CDH18: variants seen among roughly 807,000 people sequenced by gnomAD.
CDH18 encodes the protein cadherin 18, also known as cadherin-18.
CDH18 carries 31 observed loss-of-function variants against 67.9 expected under a neutral mutation model. That is an observed-to-expected ratio of 0.46 (90% CI 0.34 to 0.62). CDH18 has a LOEUF of 0.62. CDH18 is among the 20% of genes least tolerant of loss of function. CDH18 has a pLI of 0.01. For synonymous variants in CDH18, 362 were observed against 347.2 expected (o/e 1.04, Z -0.48); for missense variants, 890 against 975.5 (o/e 0.91, Z 1.17).
intron 7 of CDH18, among the ~76,000 whole-genome samples, chr5:19,579,591 CTT>C (rs1742885759): frequency 1.3e-5 from 2 of 151,574 alleles, no homozygotes; most frequent in African/African-American, 4.8e-5. Flanking sequence ...ATATTTGTAA[CTT>C]TTAATTTTTG....
chr5:20,023,126 ATTATGATAG>A (rs1738571349), intron 2 of CDH18, among the ~76,000 whole-genome samples: 1 of 152,260 alleles, frequency 6.6e-6, no homozygotes, highest in Non-Finnish European at 1.5e-5. Context: ...ATTCCTTTCT[ATTATGATAG>A]CGCCATTCTG....
At chr5:20,390,617 C>A (rs1474971395) in intron 1 of CDH18, among the ~76,000 whole-genome samples, 2 of 152,122 alleles carry the variant, frequency 1.3e-5, no homozygotes, top group Non-Finnish European at 2.9e-5. Context: ...TACCATTTGA[C>A]CCAGCCATCC....
chr5:20,029,756 T>C (rs139072207), intron 2 of CDH18, among the ~76,000 whole-genome samples: 119 of 152,340 alleles, frequency 7.8e-4, no homozygotes, highest in South Asian at 2.7e-3. Context: ...TGTAACTGTA[T>C]TAGTTTCTTT....
intron 2 of CDH18, among the ~76,000 whole-genome samples, chr5:20,051,729 A>G (rs915871918): frequency 1.3e-5 from 2 of 152,050 alleles, no homozygotes; most frequent in Non-Finnish European, 2.9e-5. Context: ...ATATATTTAT[A>G]TGGTAACTGG....
At chr5:19,672,086 T>C (rs534525347) in intron 5 of CDH18, among the ~76,000 whole-genome samples, 1 of 152,132 alleles carries the variant, frequency 6.6e-6, no homozygotes, top group Non-Finnish European at 1.5e-5. Flanking sequence ...TAAATACTGG[T>C]AAAATCTCAG....
At position 20,024,622 on chromosome 5, in the gene CDH18, G is replaced by A. The variant is rs180822841; in HGVS notation, c.-517-32608C>T. 5.9e-5 allele frequency among the ~76,000 whole-genome samples: 9 copies of A among 152,258 alleles called. No individual in the cohort carries two copies. In the South Asian group the frequency reaches 1.5e-3, roughly 25 times the overall value. On this transcript the variant is annotated intron_variant, in intron 2 of 14. Transcript: ENST00000507958. Reference sequence around the variant, plus strand: ...AGAATAAAAAAGAGAATGATAAGTCGTTTGGAATGACATGCACTACTCCAT... The same window carrying A: ...AGAATAAAAAAGAGAATGATAAGTCATTTGGAATGACATGCACTACTCCAT...
chr5:19,986,859 T>TA (rs1799612914), intron 1 of CDH18, among the ~76,000 whole-genome samples: 1 of 152,054 alleles, frequency 6.6e-6, no homozygotes, highest in South Asian at 2.1e-4. Context: ...TACACTAAAA[T>TA]AAAAAAGAAC....
intron 2 of CDH18, among the ~76,000 whole-genome samples, chr5:19,876,695 CT>C (rs1787047508): frequency 6.6e-6 from 1 of 151,788 alleles, no homozygotes; most frequent in Non-Finnish European, 1.5e-5. Context: ...TAATGCTTGT[CT>C]TTTTTGGGGT....
intron 5 of CDH18, among the ~76,000 whole-genome samples, chr5:19,660,247 C>A (rs1039125706): frequency 2.0e-5 from 3 of 152,014 alleles, no homozygotes; most frequent in Non-Finnish European, 4.4e-5. Flanking sequence ...GAATAGGCAA[C>A]ATACGTGAAC....
chr5:19,952,178 T>C (rs1396069045), intron 2 of CDH18, among the ~76,000 whole-genome samples: 1 of 152,134 alleles, frequency 6.6e-6, no homozygotes, highest in Non-Finnish European at 1.5e-5. Flanking sequence ...GACTCCCAAG[T>C]AGCTGGGATT....
chr5:20,334,290 C>A (rs920457103), intron 1 of CDH18, among the ~76,000 whole-genome samples: 1 of 150,968 alleles, frequency 6.6e-6, no homozygotes, highest in Non-Finnish European at 1.5e-5. Context: ...CCCGCCACCT[C>A]GCCCGGCTAA....
chr5:20,445,762 T>G (rs149887083), intron 1 of CDH18, among the ~76,000 whole-genome samples: 39 of 152,302 alleles, frequency 2.6e-4, no homozygotes, highest in African/African-American at 9.1e-4. Context: ...TAATGGAGAT[T>G]AACAGAGCTG....
At chr5:19,934,660 G>A (rs1248908553) in intron 2 of CDH18, among the ~76,000 whole-genome samples, 1 of 151,424 alleles carries the variant, frequency 6.6e-6, no homozygotes, top group African/African-American at 2.4e-5. Flanking sequence ...ATTAAATTTG[G>A]CTTTGATGTA....
At chr5:20,200,923 C>G (rs563022153) in intron 2 of CDH18, among the ~76,000 whole-genome samples, 1 of 151,954 alleles carries the variant, frequency 6.6e-6, no homozygotes, top group Admixed American at 6.6e-5. Flanking sequence ...AAAATCACTC[C>G]TTTTTCATAA....
At chr5:20,551,732 T>G (rs534592412) in intron 1 of CDH18, among the ~76,000 whole-genome samples, 108 of 152,312 alleles carry the variant, frequency 7.1e-4, no homozygotes, top group African/African-American at 2.5e-3. Flanking sequence ...TCACCAAAGA[T>G]GAGAATTTAA....
chr5:19,499,267 G>A (rs1472155030), intron 11 of CDH18, among the ~76,000 whole-genome samples: 1 of 152,054 alleles, frequency 6.6e-6, no homozygotes, highest in Non-Finnish European at 1.5e-5. Context: ...TACAGTCTTT[G>A]CTTTCTATCT....
chr5:19,935,556 A>G (rs1794151745), intron 2 of CDH18, among the ~76,000 whole-genome samples: 1 of 151,356 alleles, frequency 6.6e-6, no homozygotes, highest in African/African-American at 2.4e-5. Context: ...GCAATACGTT[A>G]TAGCCTAGGT....
chr5:19,539,453 T>C (rs1051929525), intron 9 of CDH18, among the ~76,000 whole-genome samples: 11 of 152,218 alleles, frequency 7.2e-5, no homozygotes, highest in African/African-American at 2.4e-4. Flanking sequence ...TATATATTCA[T>C]AAACTACATT....
chr5:20,270,427 A>G (rs780323742), intron 1 of CDH18, among the ~76,000 whole-genome samples: 7 of 152,162 alleles, frequency 4.6e-5, no homozygotes, highest in Non-Finnish European at 7.4e-5. Context: ...CAAAACCATA[A>G]TGATACATAA....
Sources: allele counts gnomAD v4.1 joint callset (sites outside exome capture counted in the v4.1 genomes callset), GRCh38; gene constraint gnomAD v4.1.1; transcripts MANE v1.5; gene names NCBI Gene and HGNC (gene_info 2026-07-23, HGNC 2026-07-21).